The following PUDP variants were observed in gnomAD, a reference collection of about 807,000 sequenced individuals.
PUDP encodes the protein pseudouridine 5'-phosphatase.
In PUDP, 8 loss-of-function variants were observed where a neutral mutation model predicts 9.4. That is an observed-to-expected ratio of 0.85 (90% CI 0.50 to 1.53). PUDP has a LOEUF of 1.53. Among genes scored for constraint, PUDP ranks in the 40% most tolerant of loss-of-function variants. The pLI is 0.00. For synonymous variants in PUDP, 99 were observed against 80.7 expected, an observed-to-expected ratio of 1.23 and a Z score of -1.22; for missense variants, 188 against 189.7, an observed-to-expected ratio of 0.99 and a Z score of 0.05.
chrX:6,769,052 T>C (rs1925323447), intron 3 of PUDP, among the ~76,000 whole-genome samples: 2 of 111,878 alleles, frequency 1.8e-5, no homozygotes, highest in Non-Finnish European at 3.8e-5. Flanking sequence ...AAATGTCACA[T>C]AAATTATGCT....
intron 2 of PUDP, among the ~76,000 whole-genome samples, chrX:7,080,834 G>A (rs747780780): frequency 4.7e-5 from 5 of 107,467 alleles, no homozygotes; most frequent in South Asian, 4.2e-4. Flanking sequence ...CAGGAGAATC[G>A]CTTGAACCTA....
intron 3 of PUDP, among the ~76,000 whole-genome samples, chrX:6,855,356 G>A (rs148550628): frequency 8.9e-6 from 1 of 111,925 alleles, no homozygotes; most frequent in South Asian, 3.8e-4. Flanking sequence ...GCAGTGGGCT[G>A]TTAATAGTTT....
intron 1 of PUDP, among the ~76,000 whole-genome samples, chrX:7,010,033 C>A (rs759774802): frequency 9.0e-6 from 1 of 111,334 alleles, no homozygotes; most frequent in Admixed American, 9.5e-5. Context: ...CAGTGTCTAC[C>A]AAAAAGGCTG....
chrX:6,838,450 C>T (rs1302854925), intron 3 of PUDP, among the ~76,000 whole-genome samples: 1 of 112,171 alleles, frequency 8.9e-6, no homozygotes, highest in East Asian at 2.8e-4. Flanking sequence ...AAGAACTTTG[C>T]ATTGATGACA....
At chrX:6,846,536 C>T (rs1926752578) in intron 3 of PUDP, among the ~76,000 whole-genome samples, 1 of 110,708 alleles carries the variant, frequency 9.0e-6, no homozygotes, top group African/African-American at 3.3e-5. Context: ...ACTTGGCCTC[C>T]CTGGGATCTC....
intron 3 of PUDP, among the ~76,000 whole-genome samples, chrX:6,876,661 G>GTT (rs1479888006): frequency 9.2e-6 from 1 of 108,537 alleles, no homozygotes; most frequent in Non-Finnish European, 1.9e-5. Context: ...GTGTGTGTGT[G>GTT]TGTGTGTGTG....
At position 6,930,845 on chromosome X, in the gene PUDP, T is replaced by G. The variant is rs763472163; in HGVS notation, c.*247+46288A>C. ...GAGCTCTAAATCTCCTGACCTTGCT[T>G]TCTTGTTTGTTTCTCCTGGAACTTC... is the stretch of plus-strand genomic sequence containing the variant. On this transcript the variant is annotated intron_variant and NMD_transcript_variant, in intron 3 of 3. Transcript: ENST00000655425. Among the ~76,000 whole-genome samples the G allele has an allele frequency of 3.6e-5, 4 of 110,794 alleles. No individual in the cohort carries two copies. The East Asian group carries it at 1.1e-3, about 32-fold the overall frequency.
chrX:6,754,671 A>G (rs868444825), intron 3 of PUDP, among the ~76,000 whole-genome samples: 1 of 109,585 alleles, frequency 9.1e-6, no homozygotes, highest in African/African-American at 3.3e-5. Context: ...AGCTTTATAC[A>G]TAATTTAGCA....
At chrX:6,820,733 C>T (rs1269367222) in intron 3 of PUDP, among the ~76,000 whole-genome samples, 1 of 112,188 alleles carries the variant, frequency 8.9e-6, no homozygotes, top group Non-Finnish European at 1.9e-5. Context: ...GGCAGCTTCA[C>T]CCCTGTGGCT....
chrX:7,065,692 C>T (rs1930531065), intron 3 of PUDP, among the ~76,000 whole-genome samples: 1 of 112,202 alleles, frequency 8.9e-6, no homozygotes, highest in African/African-American at 3.2e-5. Context: ...AAGGAAGGTA[C>T]AACATGTCCA....
At chrX:7,061,365 G>C (rs1415291892) in intron 3 of PUDP, among the ~76,000 whole-genome samples, 3 of 110,900 alleles carry the variant, frequency 2.7e-5, no homozygotes, top group Admixed American at 9.6e-5. Flanking sequence ...AAAAAAGTAA[G>C]GTTTCATTTT....
intron 3 of PUDP, among the ~76,000 whole-genome samples, chrX:6,909,133 C>T (rs1212765754): frequency 8.9e-6 from 1 of 111,997 alleles, no homozygotes; most frequent in Non-Finnish European, 1.9e-5. Flanking sequence ...TTATAAAAAT[C>T]AGTATTTAAT....
chrX:6,842,279 G>A (rs1040934443), intron 3 of PUDP, among the ~76,000 whole-genome samples: 2 of 111,671 alleles, frequency 1.8e-5, no homozygotes, highest in Non-Finnish European at 3.8e-5. Context: ...ATGTATACTT[G>A]AATATAAAAT....
intron 3 of PUDP, among the ~76,000 whole-genome samples, chrX:6,976,729 G>T (rs1038959563): frequency 1.8e-5 from 2 of 111,882 alleles, no homozygotes; most frequent in Non-Finnish European, 3.8e-5. Flanking sequence ...AGAGAATTCT[G>T]AATGTGGGTT....
chrX:6,875,897 C>A (rs755888165), intron 3 of PUDP, among the ~76,000 whole-genome samples: 1 of 112,229 alleles, frequency 8.9e-6, no homozygotes, highest in East Asian at 2.8e-4. Context: ...TTATTCCCTG[C>A]CAACATGTTT....
chrX:7,122,619 C>A (rs777838658), intron 1 of PUDP, among the ~76,000 whole-genome samples: 1 of 111,796 alleles, frequency 8.9e-6, no homozygotes, highest in African/African-American at 3.2e-5. Context: ...TGGGCTCCAC[C>A]AGCAAGAGTC....
rs1926098914 is a variant in PUDP, at chrX:6,809,075, T to C, written c.*248-102609A>G. On this transcript the variant is annotated intron_variant and NMD_transcript_variant, in intron 3 of 3. Coordinates refer to the PUDP transcript ENST00000655425. ...CAGATTTGCACATGATCCCATAGCA[T>C]GTGGCCAAGCCCAATCAAATGCTGG... is the stretch of plus-strand genomic sequence containing the variant. Among the ~76,000 whole-genome samples, 7 of 111,417 alleles carry C rather than the reference T, an allele frequency of 6.3e-5. No homozygotes were observed. The Admixed American group carries it at 6.7e-4, about 11-fold the overall frequency.
At chrX:6,715,268 G>A (rs1302612214) in intron 1 of PUDP, among the ~76,000 whole-genome samples, 7 of 110,287 alleles carry the variant, frequency 6.3e-5, no homozygotes, top group South Asian at 3.9e-4. Context: ...TGTGGCCCCC[G>A]CAGCATTCCA....
chrX:6,931,775 C>A (rs892406214), intron 3 of PUDP, among the ~76,000 whole-genome samples: 1 of 111,010 alleles, frequency 9.0e-6, no homozygotes, highest in Non-Finnish European at 1.9e-5. Context: ...CGGGAGGACG[C>A]AATCCCAAGA....
Sources: allele counts gnomAD v4.1 joint callset (sites outside exome capture counted in the v4.1 genomes callset), GRCh38; gene constraint gnomAD v4.1.1; transcripts MANE v1.5; gene names NCBI Gene and HGNC (gene_info 2026-07-23, HGNC 2026-07-21).